Variants in PRKCA observed in about 807,000 individuals in gnomAD.
The protein encoded by PRKCA is protein kinase C alpha, also known as protein kinase C alpha type.
A neutral mutation model predicts 87.0 loss-of-function variants in PRKCA; 27 were observed. That is an observed-to-expected ratio of 0.31 (90% CI 0.23 to 0.43). The LOEUF (loss-of-function observed/expected upper bound fraction) is 0.43, where lower values mean the gene tolerates loss of function less well. PRKCA is among the 20% of genes least tolerant of loss of function. The pLI is 1.00. For missense variants in PRKCA, 518 were observed against 852.3 expected, an observed-to-expected ratio of 0.61 and a Z score of 4.88; for synonymous variants, 329 against 311.1, an observed-to-expected ratio of 1.06 and a Z score of -0.61.
chr17:66,644,639 T>TTACTTG (rs1971403428), intron 4 of PRKCA, among the ~76,000 whole-genome samples: 1 of 152,178 alleles, frequency 6.6e-6, no homozygotes, highest in Non-Finnish European at 1.5e-5. Context: ...TTTAAATATT[T>TTACTTG]GAAGATAGGT....
chr17:66,750,957 G>A (rs748520656), intron 13 of PRKCA, among the ~76,000 whole-genome samples: 5 of 152,186 alleles, frequency 3.3e-5, no homozygotes, highest in Non-Finnish European at 5.9e-5. Flanking sequence ...CACTCCACAT[G>A]TGCCAGTAAG....
Position 66,752,275 on chromosome 17 carries a change from G to A in PRKCA, c.1524+9515G>A, listed in dbSNP as rs574582662. Among the ~76,000 whole-genome samples, 162 of 152,210 alleles carry A rather than the reference G, an allele frequency of 1.1e-3. 1 individual carries two copies. The highest frequency in any genetic ancestry group is 3.6e-3 in the African/African-American group (149 of 41,528). ...TTCAATTATCTATTGATGTGTAATC[G>A]CCCCAGAACATAATGGCTTAAAACA... On this transcript the variant is annotated intron_variant, in intron 13 of 16. Coordinates refer to ENST00000413366, the MANE Select transcript of PRKCA (RefSeq NM_002737.3).
At chr17:66,539,693 C>A (rs537742190) in intron 3 of PRKCA, among the ~76,000 whole-genome samples, 1 of 152,156 alleles carries the variant, frequency 6.6e-6, no homozygotes, top group Admixed American at 6.5e-5. Context: ...GTAAGCACCG[C>A]GCCCGGCCTA....
chr17:66,531,415 A>G (rs1967534678), intron 3 of PRKCA, among the ~76,000 whole-genome samples: 1 of 152,074 alleles, frequency 6.6e-6, no homozygotes, highest in Non-Finnish European at 1.5e-5. Flanking sequence ...CCGGGGTGGG[A>G]GCCGGTGGCA....
In PRKCA at chr17:66,577,546, A is replaced by G. The variant is rs79379424; in HGVS notation, c.289-63809A>G. The stretch of plus-strand genomic sequence containing the variant: ...TTAGTCTCTTTTTCTGCAGGCCATG[A>G]AATAGCTCAGCCCCTGGCCTGCTTC... On this transcript the variant is annotated intron_variant, in intron 3 of 16. Coordinates refer to ENST00000413366, the MANE Select transcript of PRKCA (RefSeq NM_002737.3). Among the ~76,000 whole-genome samples the G allele has an allele frequency of 2.2e-4, 33 of 152,228 alleles. No individual in the cohort carries two copies. In the East Asian group the frequency reaches 5.8e-3, roughly 27 times the overall value.
intron 3 of PRKCA, among the ~76,000 whole-genome samples, chr17:66,581,439 T>C (rs1317182477): frequency 1.3e-5 from 2 of 152,172 alleles, no homozygotes; most frequent in Non-Finnish European, 2.9e-5. Flanking sequence ...TGAACCATAT[T>C]TGAGAGGGAA....
intron 3 of PRKCA, among the ~76,000 whole-genome samples, chr17:66,636,829 C>T (rs1360677700): frequency 6.6e-6 from 1 of 152,148 alleles, no homozygotes; most frequent in Non-Finnish European, 1.5e-5. Flanking sequence ...TGTGCCGGGA[C>T]TGGGGTCAGA....
chr17:66,805,603 C>T lies in PRKCA; in HGVS notation c.*1566C>T, dbSNP rs1976013280. On this transcript the variant is annotated 3_prime_UTR_variant, in exon 17 of 17. Coordinates refer to ENST00000413366, the MANE Select transcript of PRKCA (RefSeq NM_002737.3). ...TGTATATATATGTATTTGATTCTAC[C>T]TGCAAACAAATTTTTATTGGTGAGG... The T allele has an allele frequency of 1.3e-5, 2 of 152,190 alleles. No individual in the cohort carries two copies. The highest frequency in any genetic ancestry group is 1.3e-4 in the Admixed American group (2 of 15,290). The allele number at this position is 152,190 out of a possible 1,614,324, so 9.4% of individuals were successfully genotyped here. A position where few individuals can be genotyped will look rare whatever the true frequency, so the allele number is the denominator to read the frequency against.
At chr17:66,423,087 G>T (rs1912581040) in intron 2 of PRKCA, among the ~76,000 whole-genome samples, 1 of 151,924 alleles carries the variant, frequency 6.6e-6, no homozygotes, top group Admixed American at 6.6e-5. Context: ...CTCCAGCCTG[G>T]GTGATAAAAG....
At chr17:66,777,743 A>G (rs1568028029) in intron 14 of PRKCA, 3 of 985,278 alleles carry the variant, frequency 3.0e-6, no homozygotes, top group Admixed American at 1.2e-4. Flanking sequence ...ATATGCTAAC[A>G]TGCAAAAGGG....
At chr17:66,640,013 A>G (rs1193880253) in intron 3 of PRKCA, among the ~76,000 whole-genome samples, 2 of 150,758 alleles carry the variant, frequency 1.3e-5, no homozygotes. Context: ...ATAATAATAA[A>G]ATTGAATAAA....
intron 3 of PRKCA, among the ~76,000 whole-genome samples, chr17:66,608,700 A>G (rs1408080195): frequency 6.6e-6 from 1 of 152,206 alleles, no homozygotes; most frequent in Non-Finnish European, 1.5e-5. Context: ...AGTATGGCCC[A>G]GGAATCTGTT....
chr17:66,709,947 T>C (rs1448666579), intron 8 of PRKCA, among the ~76,000 whole-genome samples: 1 of 152,168 alleles, frequency 6.6e-6, no homozygotes, highest in Non-Finnish European at 1.5e-5. Context: ...GTATATAACA[T>C]TACTGGGCAC....
chr17:66,706,244 C>T (rs1210394925), intron 8 of PRKCA, among the ~76,000 whole-genome samples: 2 of 152,184 alleles, frequency 1.3e-5, no homozygotes, highest in Non-Finnish European at 2.9e-5. Flanking sequence ...CAAGGATAGA[C>T]TTCATCACCC....
intron 2 of PRKCA, among the ~76,000 whole-genome samples, chr17:66,460,307 T>G (rs34796136): frequency 6.6e-6 from 1 of 151,940 alleles, no homozygotes; most frequent in Non-Finnish European, 1.5e-5. Context: ...ACTATATGAT[T>G]ATGTATATTT....
intron 8 of PRKCA, among the ~76,000 whole-genome samples, chr17:66,700,682 A>G (rs538837513): frequency 6.6e-6 from 1 of 152,320 alleles, no homozygotes; most frequent in Non-Finnish European, 1.5e-5. Flanking sequence ...ATATAAGAAA[A>G]CAATTGTGTT....
chr17:66,303,050 C>T (rs367815945), intron 1 of PRKCA, 26 bp downstream of exon 1: 83 of 1,586,694 alleles, frequency 5.2e-5, no homozygotes, highest in Non-Finnish European at 6.8e-5. Flanking sequence ...GGCACTCCTG[C>T]CCCGCTCCTC....
chr17:66,528,097 A>G (rs961609455), intron 3 of PRKCA, among the ~76,000 whole-genome samples: 1 of 152,006 alleles, frequency 6.6e-6, no homozygotes, highest in African/African-American at 2.4e-5. Flanking sequence ...AGGCATCTGT[A>G]AGCCCAGCTA....
intron 3 of PRKCA, among the ~76,000 whole-genome samples, chr17:66,563,843 CAA>C (rs929858190): frequency 5.3e-5 from 8 of 152,118 alleles, no homozygotes; most frequent in African/African-American, 1.9e-4. Context: ...TTAGTATAAA[CAA>C]AAGAGTTTAA....
Sources: gnomAD v4.1 joint callset for allele counts (sites outside exome capture counted in the v4.1 genomes callset) on GRCh38, gnomAD v4.1.1 for gene constraint, MANE v1.5 for transcripts, NCBI Gene and HGNC (gene_info 2026-07-23, HGNC 2026-07-21) for gene names.